CNTN3: variants seen among roughly 807,000 people sequenced by gnomAD.
The protein encoded by CNTN3 is contactin 3.
In CNTN3, 60 loss-of-function variants were observed where a neutral mutation model predicts 119.1. That is an observed-to-expected ratio of 0.50 (90% CI 0.41 to 0.62). The LOEUF (loss-of-function observed/expected upper bound fraction) is 0.62, where lower values mean the gene tolerates loss of function less well. CNTN3 is among the 20% of genes least tolerant of loss of function. CNTN3 has a pLI of 0.00. For synonymous variants in CNTN3, 450 were observed against 438.7 expected (o/e 1.03, Z -0.32); for missense variants, 1,101 against 1,242.4 (o/e 0.89, Z 1.71).
chr3:74,434,857 T>C (rs1701840226), intron 4 of CNTN3, among the ~76,000 whole-genome samples: 2 of 152,242 alleles, frequency 1.3e-5, no homozygotes, highest in South Asian at 2.1e-4. Context: ...TATATATCAA[T>C]GATATGTCCA....
intron 3 of CNTN3, among the ~76,000 whole-genome samples, chr3:74,491,828 C>CT (rs1175105810): frequency 1.3e-5 from 2 of 152,252 alleles, no homozygotes; most frequent in African/African-American, 2.4e-5. Context: ...ACCAGGAACT[C>CT]TAAGTATCAG....
intron 4 of CNTN3, among the ~76,000 whole-genome samples, chr3:74,442,666 T>C: frequency 6.6e-6 from 1 of 152,156 alleles, no homozygotes; most frequent in East Asian, 1.9e-4. Flanking sequence ...AGCCTGTAGG[T>C]GAGTTCCCCA....
At chr3:74,490,194 T>C (rs1260534081) in intron 3 of CNTN3, among the ~76,000 whole-genome samples, 1 of 152,134 alleles carries the variant, frequency 6.6e-6, no homozygotes, top group Non-Finnish European at 1.5e-5. Flanking sequence ...AGTGGGTGGG[T>C]TTAATTTTTA....
chr3:74,438,581 AT>A (rs1308047071), intron 4 of CNTN3, among the ~76,000 whole-genome samples: 4 of 152,208 alleles, frequency 2.6e-5, no homozygotes, highest in Admixed American at 2.6e-4. Flanking sequence ...GTTTACCTGT[AT>A]TTATCCTCTT....
intron 1 of CNTN3, among the ~76,000 whole-genome samples, chr3:74,547,346 T>C (rs1703929942): frequency 6.6e-6 from 1 of 152,186 alleles, no homozygotes; most frequent in Admixed American, 6.5e-5. Context: ...TTCAACCTTT[T>C]CCAATGTTTC....
At chr3:74,529,715 A>G (rs999014803) in intron 1 of CNTN3, among the ~76,000 whole-genome samples, 11 of 152,028 alleles carry the variant, frequency 7.2e-5, no homozygotes, top group Non-Finnish European at 1.6e-4. Flanking sequence ...AAAATGTGAA[A>G]AATCTGTAAA....
chr3:74,344,574 C>T (rs2106733357), intron 11 of CNTN3, among the ~76,000 whole-genome samples: 1 of 151,926 alleles, frequency 6.6e-6, no homozygotes, highest in South Asian at 2.1e-4. Context: ...TCTCCTGCCT[C>T]GGCCTCCCGA....
In CNTN3 at chr3:74,499,725, A is replaced by T. The variant is rs771848424; in HGVS notation, c.116T>A (p.Val39Asp). 2.5e-6 allele frequency: 4 copies of T among 1,611,830 alleles called. No individual in the cohort carries two copies. The highest frequency in any genetic ancestry group is 3.4e-6 in the Non-Finnish European group (4 of 1,178,538). The change falls in exon 3 of 23, where the codon GTT becomes GAT. Residue 39 changes from valine (V) to aspartate (D), a missense_variant. Coordinates refer to ENST00000263665, the MANE Select transcript of CNTN3 (RefSeq NM_020872.3). ...AGTTATTTTTTTATCTTCTGAACCA[A>T]CAGGGAAAATGCTGTTGCTGGGTTC... ...IKEPSNSIFP[V>D]GSEDKKITLH...
chr3:74,352,778 T>C (rs1703847487), intron 11 of CNTN3, among the ~76,000 whole-genome samples: 1 of 152,178 alleles, frequency 6.6e-6, no homozygotes, highest in South Asian at 2.1e-4. Flanking sequence ...AAATTCTCCC[T>C]GTGCTTCAAG....
chr3:74,594,347 G>A (rs547120566), intron 1 of CNTN3, among the ~76,000 whole-genome samples: 59 of 148,076 alleles, frequency 4.0e-4, no homozygotes, highest in African/African-American at 1.4e-3. Flanking sequence ...CAATGTGCAG[G>A]TTATTTACAT....
At chr3:74,361,767 T>C in intron 11 of CNTN3, 123 bp downstream of exon 11, 1 of 995,572 alleles carries the variant, frequency 1.0e-6, no homozygotes, top group Non-Finnish European at 1.4e-6. Flanking sequence ...CTATTTTAGT[T>C]CTTAAAGATC....
At position 74,476,977 on chromosome 3, in the gene CNTN3, C is replaced by A. The variant is rs75729190; in HGVS notation, c.358+9479G>T. Among the ~76,000 whole-genome samples the A allele has an allele frequency of 8.8e-3, 1,338 of 152,020 alleles. 16 individuals are homozygous for A. The highest frequency in any genetic ancestry group is 0.028 in the African/African-American group (1,152 of 41,496). ...TTCAAAATACACTCAAAAGGAAAAC[C>A]AGGAGGAGTAAAGAATAGGCATGGG... On this transcript the variant is annotated intron_variant, in intron 4 of 22. Transcript: ENST00000263665.
intron 1 of CNTN3, among the ~76,000 whole-genome samples, chr3:74,574,286 G>A (rs181478423): frequency 1.2e-3 from 183 of 152,234 alleles, no homozygotes; most frequent in Admixed American, 3.2e-3. Context: ...AAGAAGGCAG[G>A]GGGAGAAGAG....
intron 4 of CNTN3, among the ~76,000 whole-genome samples, chr3:74,473,941 G>C (rs996648141): frequency 1.3e-5 from 2 of 152,188 alleles, no homozygotes; most frequent in Non-Finnish European, 2.9e-5. Flanking sequence ...ATTTATCTTA[G>C]TCTCTATGAG....
chr3:74,357,546 G>A (rs1703965880), intron 11 of CNTN3, among the ~76,000 whole-genome samples: 2 of 152,112 alleles, frequency 1.3e-5, no homozygotes, highest in African/African-American at 2.4e-5. Flanking sequence ...GCCTCCCAAA[G>A]TGCTGGGATT....
At chr3:74,297,452 G>A (rs1271728871) in intron 18 of CNTN3, among the ~76,000 whole-genome samples, 8 of 152,132 alleles carry the variant, frequency 5.3e-5, no homozygotes, top group Non-Finnish European at 1.0e-4. Context: ...GAATCTGAGG[G>A]CTTTAATATT....
chr3:74,361,610 A>G (rs753836464), intron 11 of CNTN3, among the ~76,000 whole-genome samples: 1 of 152,102 alleles, frequency 6.6e-6, no homozygotes, highest in Admixed American at 6.6e-5. Flanking sequence ...TTCCTTCATC[A>G]TTCTGGTTGA....
chr3:74,548,971 C>T (rs1350578333), intron 1 of CNTN3, among the ~76,000 whole-genome samples: 2 of 152,250 alleles, frequency 1.3e-5, no homozygotes, highest in East Asian at 3.9e-4. Flanking sequence ...TCTCAAACAA[C>T]CTAGGTAACA....
intron 20 of CNTN3, among the ~76,000 whole-genome samples, chr3:74,275,303 T>C (rs949164617): frequency 5.9e-5 from 9 of 152,144 alleles, no homozygotes; most frequent in African/African-American, 2.2e-4. Context: ...AAACAACACC[T>C]GGAAAATTCA....
Sources: allele counts gnomAD v4.1 joint callset (sites outside exome capture counted in the v4.1 genomes callset), GRCh38; gene constraint gnomAD v4.1.1; transcripts MANE v1.5; gene names NCBI Gene and HGNC (gene_info 2026-07-23, HGNC 2026-07-21).